Variants in EPHA5 observed in about 807,000 individuals in gnomAD.
The protein encoded by EPHA5 is ephrin type-A receptor 5.
Under a neutral mutation model 105.0 loss-of-function variants are expected in EPHA5, and 60 were observed. That is an observed-to-expected ratio of 0.57 (90% CI 0.46 to 0.71). EPHA5 has a LOEUF of 0.71. Ranked by LOEUF, EPHA5 falls within the 30% of genes least tolerant of loss-of-function variation. EPHA5 has a pLI of 0.00. For missense variants in EPHA5, 1,218 were observed against 1,274.7 expected, an observed-to-expected ratio of 0.96 and a Z score of 0.68; for synonymous variants, 513 against 449.1, an observed-to-expected ratio of 1.14 and a Z score of -1.80.
At chr4:65,619,394 A>T (rs10032124) in intron 2 of EPHA5, among the ~76,000 whole-genome samples, 9,543 of 152,246 alleles carry the variant, frequency 0.063, 397 homozygotes, top group Admixed American at 0.11. Flanking sequence ...AGGCATTTTT[A>T]AAAATATGGA....
At chr4:65,570,972 G>A in intron 3 of EPHA5, among the ~76,000 whole-genome samples, 1 of 151,960 alleles carries the variant, frequency 6.6e-6, no homozygotes, top group East Asian at 1.9e-4. Flanking sequence ...GAAGAAACAA[G>A]AAAGATCATA....
chr4:65,506,050 T>C (rs1380835796), intron 3 of EPHA5, among the ~76,000 whole-genome samples: 1 of 152,130 alleles, frequency 6.6e-6, no homozygotes, highest in Non-Finnish European at 1.5e-5. Flanking sequence ...CCTTCCTGTG[T>C]CCATGTGTTG....
chr4:65,665,407 G>A (rs910826674), intron 1 of EPHA5, among the ~76,000 whole-genome samples: 7 of 151,894 alleles, frequency 4.6e-5, no homozygotes, highest in African/African-American at 1.4e-4. Context: ...AAAAAGTTTG[G>A]AAATGTTTGC....
intron 8 of EPHA5, among the ~76,000 whole-genome samples, chr4:65,386,170 A>T (rs1381389813): frequency 2.0e-5 from 3 of 151,874 alleles, no homozygotes; most frequent in Non-Finnish European, 4.4e-5. Context: ...GAAGTGCTAC[A>T]ATCCCACTAG....
chr4:65,360,397 T>A lies in EPHA5; in HGVS notation c.2173+4620A>T, dbSNP rs575679656. On this transcript the variant is annotated intron_variant, in intron 11 of 16. Transcript: ENST00000613740. ...CAAGCATGTACAGAATGATGAAATA[T>A]GAGGTTGGTTATATTCACTGTTTAA... Among the ~76,000 whole-genome samples the A allele has an allele frequency of 3.3e-5, 5 of 151,654 alleles. No homozygotes were observed. The South Asian group carries it at 1.0e-3, about 31-fold the overall frequency.
chr4:65,604,655 G>A (rs748331948), intron 2 of EPHA5, among the ~76,000 whole-genome samples: 16 of 151,320 alleles, frequency 1.1e-4, no homozygotes, highest in Non-Finnish European at 2.1e-4. Flanking sequence ...ATAAAACTTT[G>A]AATTTTTCTA....
chr4:65,556,036 T>C (rs1038559674), intron 3 of EPHA5, among the ~76,000 whole-genome samples: 8 of 152,188 alleles, frequency 5.3e-5, no homozygotes, highest in Admixed American at 1.3e-4. Context: ...AATATTCCGA[T>C]GCTGATGAAT....
intron 3 of EPHA5, among the ~76,000 whole-genome samples, chr4:65,571,967 T>C (rs1343077504): frequency 6.6e-6 from 1 of 152,032 alleles, no homozygotes; most frequent in Admixed American, 6.6e-5. Flanking sequence ...AAATAATTAT[T>C]AAAATTTTTA....
chr4:65,564,026 A>C (rs1739280958), intron 3 of EPHA5, among the ~76,000 whole-genome samples: 1 of 151,972 alleles, frequency 6.6e-6, no homozygotes, highest in African/African-American at 2.4e-5. Context: ...GAACAAAATT[A>C]TCATCTGTTG....
intron 8 of EPHA5, among the ~76,000 whole-genome samples, chr4:65,373,759 T>C (rs910324653): frequency 1.6e-4 from 25 of 151,986 alleles, no homozygotes; most frequent in African/African-American, 6.0e-4. Context: ...ATGCATAAAA[T>C]AAGAATTTAA....
At chr4:65,487,382 C>T (rs140528666) in intron 5 of EPHA5, among the ~76,000 whole-genome samples, 1 of 152,280 alleles carries the variant, frequency 6.6e-6, no homozygotes, top group Non-Finnish European at 1.5e-5. Flanking sequence ...AACAAATCCC[C>T]TCCTTGCTTA....
intron 16 of EPHA5, among the ~76,000 whole-genome samples, chr4:65,329,003 T>G (rs959918314): frequency 6.6e-6 from 1 of 151,246 alleles, no homozygotes; most frequent in Non-Finnish European, 1.5e-5. Context: ...GGTATAATAT[T>G]TAAATTGATT....
In EPHA5 at chr4:65,398,476, C is replaced by T. The variant is rs577271387; in HGVS notation, c.1793+5898G>A. Reference sequence around the variant, plus strand: ...GGCAGACAGGATCCTGGACAGAAGACAGTGGCTCCCCAGTGAAGCCTCACC... The same window carrying T: ...GGCAGACAGGATCCTGGACAGAAGATAGTGGCTCCCCAGTGAAGCCTCACC... On this transcript the variant is annotated intron_variant, in intron 8 of 16. Transcript: ENST00000613740. Among the ~76,000 whole-genome samples the T allele has an allele frequency of 5.3e-5, 8 of 152,264 alleles. No individual in the cohort carries two copies. The East Asian group carries it at 1.4e-3, about 26-fold the overall frequency.
At chr4:65,324,265 C>T (rs372345194) in intron 16 of EPHA5, 46 bp from the exon 17 acceptor site, 23 of 1,330,572 alleles carry the variant, frequency 1.7e-5, no homozygotes, top group Non-Finnish European at 2.4e-5. Context: ...CAATTTGTAG[C>T]ACACCTCAAT....
At chr4:65,458,214 G>A (rs1393195897) in intron 5 of EPHA5, among the ~76,000 whole-genome samples, 1 of 151,580 alleles carries the variant, frequency 6.6e-6, no homozygotes, top group East Asian at 1.9e-4. Flanking sequence ...TCAAAAATGT[G>A]TGAAGCAAAA....
chr4:65,624,850 A>G (rs1256753092), intron 2 of EPHA5, among the ~76,000 whole-genome samples: 1 of 152,194 alleles, frequency 6.6e-6, no homozygotes, highest in Non-Finnish European at 1.5e-5. Flanking sequence ...CAGATTTCTT[A>G]CCAATAAAGT....
chr4:65,592,954 C>T (rs897320566), intron 3 of EPHA5, among the ~76,000 whole-genome samples: 1 of 152,062 alleles, frequency 6.6e-6, no homozygotes. Flanking sequence ...TGAGAAACTC[C>T]TCTAGGTCAA....
At chr4:65,661,905 T>C (rs1273257974) in intron 1 of EPHA5, among the ~76,000 whole-genome samples, 1 of 152,196 alleles carries the variant, frequency 6.6e-6, no homozygotes, top group Non-Finnish European at 1.5e-5. Context: ...GATGTATGAA[T>C]TAAGTGAAAA....
chr4:65,418,274 A>G (rs1291141334), intron 6 of EPHA5, among the ~76,000 whole-genome samples: 1 of 152,180 alleles, frequency 6.6e-6, no homozygotes. Context: ...GGTTACAAAA[A>G]CTTGAATAAG....
Sources: gnomAD v4.1 joint callset for allele counts (sites outside exome capture counted in the v4.1 genomes callset) on GRCh38, gnomAD v4.1.1 for gene constraint, MANE v1.5 for transcripts, NCBI Gene and HGNC (gene_info 2026-07-23, HGNC 2026-07-21) for gene names.